Variants in IL1RAPL1 observed in about 807,000 individuals in gnomAD.
IL1RAPL1 encodes interleukin 1 receptor accessory protein like 1, also known as interleukin-1 receptor accessory protein-like 1.
Under a neutral mutation model 48.4 loss-of-function variants are expected in IL1RAPL1, and 3 were observed. The ratio of observed to expected loss-of-function variants is 0.06; its 90% CI spans 0.03 to 0.16. The LOEUF is 0.16. Among genes scored for constraint, IL1RAPL1 ranks in the 10% least tolerant of loss-of-function variants. The pLI is 1.00. For synonymous variants in IL1RAPL1, 185 were observed against 187.7 expected, an observed-to-expected ratio of 0.99 and a Z score of 0.12; for missense variants, 349 against 530.6, an observed-to-expected ratio of 0.66 and a Z score of 3.36.
intron 6 of IL1RAPL1, among the ~76,000 whole-genome samples, chrX:29,898,687 G>T (rs186802931): frequency 1.0e-5 from 1 of 96,170 alleles, no homozygotes; most frequent in Non-Finnish European, 2.1e-5. Context: ...GAATGATTCC[G>T]TAAGTATTTT....
At chrX:28,708,590 G>T (rs1935402312) in intron 1 of IL1RAPL1, among the ~76,000 whole-genome samples, 1 of 111,252 alleles carries the variant, frequency 9.0e-6, no homozygotes, top group African/African-American at 3.3e-5. Flanking sequence ...AAGAAAATGT[G>T]GTATATATAC....
intron 1 of IL1RAPL1, among the ~76,000 whole-genome samples, chrX:28,597,409 C>A (rs1933967099): frequency 9.0e-6 from 1 of 111,716 alleles, no homozygotes; most frequent in Non-Finnish European, 1.9e-5. Flanking sequence ...CACTGGCTCT[C>A]TTCATTTTCC....
intron 2 of IL1RAPL1, among the ~76,000 whole-genome samples, chrX:29,176,266 T>G (rs1272436450): frequency 9.6e-6 from 1 of 104,426 alleles, no homozygotes; most frequent in Non-Finnish European, 2.0e-5. Context: ...GCTAATTTTT[T>G]TTTTTTTTTG....
At chrX:29,049,006 C>T (rs1010286880) in intron 2 of IL1RAPL1, among the ~76,000 whole-genome samples, 3 of 112,435 alleles carry the variant, frequency 2.7e-5, no homozygotes, top group Non-Finnish European at 5.6e-5. Context: ...TGCTCTATTA[C>T]TTTCAACATT....
intron 2 of IL1RAPL1, among the ~76,000 whole-genome samples, chrX:29,251,166 G>A (rs910304099): frequency 5.3e-5 from 6 of 114,162 alleles, no homozygotes; most frequent in East Asian, 2.7e-4. Flanking sequence ...AACATTTGCT[G>A]TTTTTGAATT....
intron 2 of IL1RAPL1, among the ~76,000 whole-genome samples, chrX:28,981,631 T>C (rs763991288): frequency 8.9e-6 from 1 of 112,036 alleles, no homozygotes; most frequent in South Asian, 3.7e-4. Flanking sequence ...TGATGGTCTA[T>C]ATTGTGTTTT....
chrX:28,655,208 T>A (rs1453404800), intron 1 of IL1RAPL1, among the ~76,000 whole-genome samples: 3 of 111,346 alleles, frequency 2.7e-5, no homozygotes, highest in African/African-American at 9.8e-5. Context: ...GGAATCATAT[T>A]TCCTGTAAGA....
intron 1 of IL1RAPL1, among the ~76,000 whole-genome samples, chrX:28,762,040 C>T (rs1032003785): frequency 2.4e-4 from 27 of 111,514 alleles, no homozygotes; most frequent in African/African-American, 7.5e-4. Context: ...CTTAGCATAG[C>T]GCCTAACAGA....
At chrX:29,741,840 G>A (rs922153962) in intron 6 of IL1RAPL1, among the ~76,000 whole-genome samples, 3 of 102,451 alleles carry the variant, frequency 2.9e-5, no homozygotes, top group African/African-American at 1.1e-4. Flanking sequence ...CAGGAGAATC[G>A]CCTGAACCTG....
At chrX:29,860,516 C>T (rs1389625291) in intron 6 of IL1RAPL1, among the ~76,000 whole-genome samples, 3 of 110,729 alleles carry the variant, frequency 2.7e-5, no homozygotes, top group Non-Finnish European at 5.7e-5. Flanking sequence ...CCCTATCCCT[C>T]CACCCCCTGA....
At chrX:29,507,119 G>C (rs935426794) in intron 5 of IL1RAPL1, among the ~76,000 whole-genome samples, 2 of 109,424 alleles carry the variant, frequency 1.8e-5, no homozygotes, top group Non-Finnish European at 3.8e-5. Context: ...TCTCAGTGTT[G>C]TGCATTTGTT....
intron 2 of IL1RAPL1, among the ~76,000 whole-genome samples, chrX:29,031,292 C>T (rs1341768367): frequency 2.7e-5 from 3 of 112,235 alleles, no homozygotes; most frequent in Admixed American, 1.9e-4. Flanking sequence ...TCAGCACAAT[C>T]GTTGCCAATT....
chrX:29,020,451 G>A (rs1272905788), intron 2 of IL1RAPL1, among the ~76,000 whole-genome samples: 1 of 112,456 alleles, frequency 8.9e-6, no homozygotes, highest in Non-Finnish European at 1.9e-5. Context: ...CAAGTTTGTG[G>A]CTTAAGAGCA....
intron 2 of IL1RAPL1, among the ~76,000 whole-genome samples, chrX:29,098,163 T>C (rs1928255929): frequency 9.0e-6 from 1 of 111,705 alleles, no homozygotes. Flanking sequence ...TTCTTTAATC[T>C]TTCCTTTCTT....
chrX:28,960,172 T>A (rs1327699258), intron 2 of IL1RAPL1, among the ~76,000 whole-genome samples: 1 of 111,938 alleles, frequency 8.9e-6, no homozygotes, highest in Non-Finnish European at 1.9e-5. Flanking sequence ...ATTTGTCATT[T>A]TACAGATGAT....
chrX:28,768,711 C>CTCTCTG (rs1936271789), intron 1 of IL1RAPL1, among the ~76,000 whole-genome samples: 1 of 67,822 alleles, frequency 1.5e-5, no homozygotes, highest in Admixed American at 1.8e-4. Context: ...GTTTCTCTCT[C>CTCTCTG]TCTCTCTCTC....
intron 5 of IL1RAPL1, among the ~76,000 whole-genome samples, chrX:29,523,182 C>G (rs1182773079): frequency 9.0e-6 from 1 of 111,629 alleles, no homozygotes; most frequent in Admixed American, 9.6e-5. Context: ...TTTTGGTTAA[C>G]AGTAAACAGT....
At chrX:28,838,086 T>G (rs1380517205) in intron 2 of IL1RAPL1, among the ~76,000 whole-genome samples, 2 of 110,833 alleles carry the variant, frequency 1.8e-5, no homozygotes, top group Non-Finnish European at 3.8e-5. Context: ...CTGGAATCAC[T>G]CTAGGAAGAA....
intron 2 of IL1RAPL1, among the ~76,000 whole-genome samples, chrX:28,819,967 GATATATATATATAT>G (rs764635166): frequency 0.058 from 1,562 of 26,741 alleles, 51 homozygotes; most frequent in East Asian, 0.18. Flanking sequence ...TAAACATAGT[GATATATATATATAT>G]ATATATATAT....
Sources: allele counts gnomAD v4.1 joint callset (sites outside exome capture counted in the v4.1 genomes callset), GRCh38; gene constraint gnomAD v4.1.1; transcripts MANE v1.5; gene names NCBI Gene and HGNC (gene_info 2026-07-23, HGNC 2026-07-21).